The following NHERF2 variants were observed in gnomAD, a reference collection of about 807,000 sequenced individuals.
NHERF2 encodes Na(+)/H(+) exchange regulatory cofactor NHE-RF2.
chr16:2,033,721 C>G, the NHERF2 span, among the ~76,000 whole-genome samples: 1 of 152,014 alleles, frequency 6.6e-6, no homozygotes, highest in East Asian at 1.9e-4. Context: ...AGCCCGAGGG[C>G]CTGGCGGGAG....
the NHERF2 span, chr16:2,038,115 C>T: frequency 1.7e-6 from 2 of 1,163,302 alleles, no homozygotes; most frequent in Non-Finnish European, 2.4e-6. Flanking sequence ...CAGCCCCAGC[C>T]CCGGTGAGCC....
At chr16:2,036,538 C>A in the NHERF2 span, 1 of 1,552,966 alleles carries the variant, frequency 6.4e-7, no homozygotes, top group Admixed American at 1.9e-5. Flanking sequence ...GTGCCGAGTG[C>A]CCCGCACCTG....
the NHERF2 span, chr16:2,036,906 G>T: frequency 6.3e-7 from 1 of 1,592,714 alleles, no homozygotes; most frequent in Non-Finnish European, 8.5e-7. Context: ...AGGGCACAGG[G>T]TGGGTGCGGT....
chr16:2,027,173 G>C, the NHERF2 span: 1 of 1,469,680 alleles, frequency 6.8e-7, no homozygotes, highest in South Asian at 1.3e-5. Flanking sequence ...GGGACCGCCT[G>C]GTCGAGGTCA....
chr16:2,035,636 G>C, the NHERF2 span: 1 of 985,968 alleles, frequency 1.0e-6, no homozygotes, highest in African/African-American at 1.7e-5. Context: ...GGTGGTCATT[G>C]GGCCTGGCCT....
the NHERF2 span, among the ~76,000 whole-genome samples, chr16:2,034,716 C>G: frequency 2.1e-5 from 2 of 97,036 alleles, no homozygotes; most frequent in East Asian, 6.6e-4. Context: ...CTCCACCTCC[C>G]CTCCCGAACT....
At chr16:2,038,739 G>A in the NHERF2 span, 5 of 178,468 alleles carry the variant, frequency 2.8e-5, no homozygotes, top group African/African-American at 9.6e-5. Flanking sequence ...AGGGGCCTGA[G>A]GATGGAGGCC....
chr16:2,038,329 A>G, the NHERF2 span: 1 of 500,770 alleles, frequency 2.0e-6, no homozygotes, highest in South Asian at 1.7e-5. Context: ...GCTGACTGAA[A>G]GGAATTTGTG....
the NHERF2 span, chr16:2,036,677 T>C: frequency 5.0e-6 from 8 of 1,597,176 alleles, no homozygotes; most frequent in Admixed American, 1.7e-5. Flanking sequence ...CCACGCGGCG[T>C]TGGGGGCTGT....
chr16:2,036,310 C>T, the NHERF2 span: 20 of 1,597,748 alleles, frequency 1.3e-5, no homozygotes, highest in South Asian at 1.3e-4. Flanking sequence ...TGACCCTGTC[C>T]GTTGGGCCTG....
the NHERF2 span, chr16:2,027,086 C>G: frequency 3.4e-6 from 5 of 1,456,852 alleles, no homozygotes; most frequent in Non-Finnish European, 4.5e-6. Flanking sequence ...ACCTGCACGG[C>G]GAGAAGGGCC....
At chr16:2,029,789 C>T in the NHERF2 span, 66 of 1,546,624 alleles carry the variant, frequency 4.3e-5, no homozygotes, top group Non-Finnish European at 5.4e-5. Flanking sequence ...GAAGGTATGG[C>T]GGGCTTGGCC....
chr16:2,037,534 C>G, the NHERF2 span: 1 of 1,610,010 alleles, frequency 6.2e-7, no homozygotes, highest in South Asian at 1.1e-5. Flanking sequence ...CCTTGGTTTC[C>G]CAGCTCAATG....
chr16:2,028,745 C>G, the NHERF2 span, among the ~76,000 whole-genome samples: 5 of 152,154 alleles, frequency 3.3e-5, no homozygotes, highest in East Asian at 9.6e-4. Flanking sequence ...CCACCCTCCC[C>G]CAGGCCGCAG....
chr16:2,027,880 G>A, the NHERF2 span, among the ~76,000 whole-genome samples: 1 of 152,198 alleles, frequency 6.6e-6, no homozygotes, highest in Non-Finnish European at 1.5e-5. Flanking sequence ...GGTGTGTCTG[G>A]GACCGGGCTG....
At chr16:2,031,043 G>A in the NHERF2 span, among the ~76,000 whole-genome samples, 1 of 152,242 alleles carries the variant, frequency 6.6e-6, no homozygotes, top group Non-Finnish European at 1.5e-5. Context: ...AGGGGTGTGG[G>A]ATCTGGAGTT....
the NHERF2 span, chr16:2,038,601 G>T: frequency 6.5e-6 from 2 of 307,684 alleles, no homozygotes; most frequent in Non-Finnish European, 1.2e-5. Context: ...GTAAGGCCAG[G>T]GAGGCCTGAT....
At chr16:2,038,411 TCCCC>T in the NHERF2 span, 1 of 62,162 alleles carries the variant, frequency 1.6e-5, no homozygotes, top group Non-Finnish European at 3.6e-5. Flanking sequence ...CCCCCCCCCT[TCCCC>T]TCCCCCTTCC....
At chr16:2,036,233 C>A in the NHERF2 span, 7 of 1,341,326 alleles carry the variant, frequency 5.2e-6, no homozygotes, top group African/African-American at 1.0e-4. Flanking sequence ...GGGCACGGTA[C>A]CGAGTTTGGG....
Sources: allele counts gnomAD v4.1 joint callset (sites outside exome capture counted in the v4.1 genomes callset), GRCh38; gene constraint gnomAD v4.1.1; transcripts MANE v1.5; gene names NCBI Gene and HGNC (gene_info 2026-07-23, HGNC 2026-07-21).